The following RESP18 variants were observed in gnomAD, a reference collection of about 807,000 sequenced individuals.
The protein encoded by RESP18 is regulated endocrine-specific protein 18.
In RESP18, 30 loss-of-function variants were observed where a neutral mutation model predicts 30.0. That is an observed-to-expected ratio of 1.00 (90% CI 0.75 to 1.36). The LOEUF (loss-of-function observed/expected upper bound fraction) is 1.36, where lower values mean the gene tolerates loss of function less well. Ranked by LOEUF, RESP18 falls within the 40% of genes most tolerant of loss-of-function variation. The probability of loss-of-function intolerance (pLI) is 0.00; values close to 1 mark genes in which losing one functional copy is unlikely to be tolerated. For missense variants in RESP18, 320 were observed against 284.2 expected, an observed-to-expected ratio of 1.13 and a Z score of -0.91; for synonymous variants, 117 against 111.2, an observed-to-expected ratio of 1.05 and a Z score of -0.33.
At position 219,329,025 on chromosome 2, in the gene RESP18, A is replaced by G. The variant is rs757067110; in HGVS notation, c.556-17T>C. 111 of 1,536,904 alleles carry G rather than the reference A, an allele frequency of 7.2e-5. No homozygotes were observed. The highest frequency in any genetic ancestry group is 2.6e-6 in the Non-Finnish European group (3 of 1,133,758). On this transcript the variant is annotated splice_polypyrimidine_tract_variant and intron_variant, in intron 5 of 6. Coordinates refer to ENST00000333527, the MANE Select transcript of RESP18 (RefSeq NM_001007089.4). ...ATAGGTAATCTGAGAGATACAGGAAATTAGAAGTACCTTTGATTAGGAATG... is the reference window on the plus strand; with the variant it reads ...ATAGGTAATCTGAGAGATACAGGAAGTTAGAAGTACCTTTGATTAGGAATG...
chr2:219,329,111 GCCTC>G, intron 5 of RESP18, 48 bp downstream of exon 4: 1 of 1,503,182 alleles, frequency 6.7e-7, no homozygotes, highest in Non-Finnish European at 9.1e-7. Context: ...CTTCCTATCT[GCCTC>G]CCTCATTTAA....
chr2:219,331,009 A>G (rs1005717025), intron 2 of RESP18, 134 bp from the exon 2 acceptor site: 2 of 603,140 alleles, frequency 3.3e-6, no homozygotes, highest in Non-Finnish European at 6.0e-6. Context: ...CGCTTTGTCC[A>G]CTTCAAGTCT....
intron 3 of RESP18, 22 bp from the exon 3 acceptor site, chr2:219,329,786 G>A (rs1952811732): frequency 1.9e-6 from 3 of 1,546,806 alleles, no homozygotes; most frequent in Non-Finnish European, 2.6e-6. Context: ...AAGGATGGGG[G>A]GTGAGTTGAC....
Position 219,328,912 on chromosome 2 carries a change from C to G in RESP18, c.640+12G>C, listed in dbSNP as rs1203722320. ...CTGCTGTTTCAATGCCTATTTTAAA[C>G]TCAATACTTACGCATGATCTTATAG... On this transcript the variant is annotated intron_variant, in intron 6 of 6. Transcript: ENST00000333527. 5.1e-5 allele frequency: 79 copies of G among 1,534,126 alleles called. No individual in the cohort carries two copies. Among genetic ancestry groups the G allele is most frequent in the Non-Finnish European group, 6.6e-5 (75 of 1,131,970 alleles).
rs1337364006 is a variant in RESP18, at chr2:219,327,420, CTACTT to C, written c.*92_*96del. Reference sequence around the variant, plus strand: ...ACAAACTCAGTGTTTGCATGAGAGTCTACTTTAATGATTCAAATCTGGGTCATCCA... The same window carrying C: ...ACAAACTCAGTGTTTGCATGAGAGTCTAATGATTCAAATCTGGGTCATCCA... On this transcript the variant is annotated 3_prime_UTR_variant, in exon 7 of 7. Coordinates refer to ENST00000333527, the MANE Select transcript of RESP18 (RefSeq NM_001007089.4). 2.7e-5 allele frequency: 30 copies of C among 1,123,876 alleles called. No homozygotes were observed. The highest frequency in any genetic ancestry group is 1.0e-4 in the Admixed American group (5 of 50,246). 69.6% of individuals were successfully genotyped at this position (1,123,876 alleles called of 1,614,324 possible).
At chr2:219,333,008 G>A (rs2385400) in intron 1 of RESP18, among the ~76,000 whole-genome samples, 1 of 151,628 alleles carries the variant, frequency 6.6e-6, no homozygotes, top group Non-Finnish European at 1.5e-5. Flanking sequence ...GAAACAGTAG[G>A]CACTCAAGGA....
chr2:219,332,483 C>G, intron 2 of RESP18, 41 bp downstream of exon 1: 1 of 1,484,738 alleles, frequency 6.7e-7, no homozygotes, highest in South Asian at 1.2e-5. Context: ...CTCAGGATCG[C>G]TTTCTTGGCC....
intron 3 of RESP18, among the ~76,000 whole-genome samples, chr2:219,330,474 T>C (rs2125107927): frequency 6.6e-6 from 1 of 152,074 alleles, no homozygotes; most frequent in East Asian, 1.9e-4. Flanking sequence ...AAAGCTCATA[T>C]AGTGCTGGGG....
At chr2:219,333,111 AT>A (rs1952852109) in intron 1 of RESP18, 3 of 1,239,632 alleles carry the variant, frequency 2.4e-6, no homozygotes, top group Non-Finnish European at 2.1e-6. Context: ...ATATATATAT[AT>A]ATAATATTAT....
In RESP18 at chr2:219,329,683, G is replaced by C; in HGVS notation, c.419C>G (p.Pro140Arg). 6.4e-7 allele frequency: 1 copy of C among 1,551,660 alleles called. No homozygotes were observed. Residue 140 changes from proline to arginine, a missense_variant, in exon 4 of 7, where the codon CCA becomes CGA. Pro to Arg is a moderately radical substitution (Grantham distance 103). Coordinates refer to ENST00000333527, the MANE Select transcript of RESP18 (RefSeq NM_001007089.4). ...AAGTGCCTTCCCATCCTTCAGGCAT[G>C]GTTCTTGGGGATGCAGTCTGCTGGC...
chr2:219,329,799 C>T lies in RESP18; in HGVS notation c.338-35G>A, dbSNP rs760623783. 4 of 1,540,294 alleles carry T rather than the reference C, an allele frequency of 2.6e-6. No individual in the cohort carries two copies. The South Asian group carries it at 4.8e-5, about 18-fold the overall frequency. On this transcript the variant is annotated intron_variant, in intron 3 of 6. Transcript: ENST00000333527. ...GAAAGGATGGGGGGTGAGTTGACACCTGAGACACTCGGATCCACTCCAGGG... is the reference window on the plus strand; with the variant it reads ...GAAAGGATGGGGGGTGAGTTGACACTTGAGACACTCGGATCCACTCCAGGG...
chr2:219,327,429 T>A lies in RESP18; in HGVS notation c.*88A>T, dbSNP rs954932435. ...GTGTTTGCATGAGAGTCTACTTTAA[T>A]GATTCAAATCTGGGTCATCCAAGAA... On this transcript the variant is annotated 3_prime_UTR_variant, in exon 7 of 7. Transcript: ENST00000333527. 1.7e-6 allele frequency: 2 copies of A among 1,195,884 alleles called. No individual in the cohort carries two copies. The highest frequency in any genetic ancestry group is 5.1e-5 in the East Asian group (2 of 39,244). 74.1% of individuals were successfully genotyped at this position (1,195,884 alleles called of 1,614,324 possible). A position where few individuals can be genotyped will look rare whatever the true frequency, so the allele number is the denominator to read the frequency against.
chr2:219,332,755 G>C lies in RESP18; in HGVS notation c.18-17C>G. On this transcript the variant is annotated splice_polypyrimidine_tract_variant and intron_variant, in intron 1 of 6. Coordinates refer to ENST00000333527, the MANE Select transcript of RESP18 (RefSeq NM_001007089.4). ...ACTCCGAATCTGTTTAACCCTCCTC[G>C]GCAGTTCAGCCAATCGTGAGCGGGC... 1.3e-6 allele frequency: 2 copies of C among 1,521,150 alleles called. No homozygotes were observed. Among genetic ancestry groups the C allele is most frequent in the Non-Finnish European group, 1.8e-6 (2 of 1,127,592 alleles). 94.2% of individuals were successfully genotyped at this position (1,521,150 alleles called of 1,614,324 possible).
chr2:219,330,878 A>G lies in RESP18; in HGVS notation c.233-3T>C, dbSNP rs1412630901. The G allele has an allele frequency of 3.2e-6, 5 of 1,541,328 alleles. No individual in the cohort carries two copies. The Admixed American group carries it at 7.9e-5, about 24-fold the overall frequency. ...CACTCCTACTTGGTCCTGACCATCT[A>G]AGGGCAAAATAGTGGTGTCAGCAAG... On this transcript the variant is annotated splice_polypyrimidine_tract_variant and splice_region_variant and intron_variant, in intron 2 of 6. Coordinates refer to ENST00000333527, the MANE Select transcript of RESP18 (RefSeq NM_001007089.4).
chr2:219,330,118 T>A (rs1952814774), intron 3 of RESP18, among the ~76,000 whole-genome samples: 1 of 152,246 alleles, frequency 6.6e-6, no homozygotes, highest in Non-Finnish European at 1.5e-5. Context: ...CCCTAGGGCT[T>A]CTGATGCAGT....
chr2:219,331,428 A>G lies in RESP18; in HGVS notation c.233-553T>C, dbSNP rs539288440. On this transcript the variant is annotated intron_variant, in intron 2 of 6. Transcript: ENST00000333527. ...CTTCCTTCTTCCAGATCAGTGAGATAGGGCTGGAGGACAGTCTGTTTTTTG... is the reference window on the plus strand; with the variant it reads ...CTTCCTTCTTCCAGATCAGTGAGATGGGGCTGGAGGACAGTCTGTTTTTTG... Among the ~76,000 whole-genome samples, 18 of 152,304 alleles carry G rather than the reference A, an allele frequency of 1.2e-4. No individual in the cohort carries two copies. The South Asian group carries it at 1.7e-3, about 14-fold the overall frequency.
At chr2:219,331,144 C>T (rs1011819505) in intron 2 of RESP18, 20 of 341,852 alleles carry the variant, frequency 5.9e-5, no homozygotes, top group African/African-American at 1.9e-4. Context: ...AGTTCAGATG[C>T]GCAGAGGCTC....
chr2:219,330,531 TTTTG>T (rs1325200146), intron 3 of RESP18, among the ~76,000 whole-genome samples: 83 of 131,932 alleles, frequency 6.3e-4, no homozygotes, highest in African/African-American at 3.2e-3. Flanking sequence ...CCGTTTTCAG[TTTTG>T]TTTTTTTTTT....
chr2:219,328,619 CA>C (rs1356224379), intron 6 of RESP18, among the ~76,000 whole-genome samples: 3 of 152,172 alleles, frequency 2.0e-5, no homozygotes, highest in Admixed American at 6.5e-5. Context: ...GAGTATGTCC[CA>C]TGGCCTGGGC....
Sources: allele counts gnomAD v4.1 joint callset (sites outside exome capture counted in the v4.1 genomes callset), GRCh38; gene constraint gnomAD v4.1.1; transcripts MANE v1.5; gene names NCBI Gene and HGNC (gene_info 2026-07-23, HGNC 2026-07-21).